Variants in RUNX1 observed in about 807,000 individuals in gnomAD.
The protein encoded by RUNX1 is runt-related transcription factor 1.
Under a neutral mutation model 42.8 loss-of-function variants are expected in RUNX1, and 19 were observed. That is an observed-to-expected ratio of 0.44 (90% CI 0.31 to 0.65). The LOEUF (loss-of-function observed/expected upper bound fraction) is 0.65, where lower values mean the gene tolerates loss of function less well. Ranked by LOEUF, RUNX1 falls within the 30% of genes least tolerant of loss-of-function variation. RUNX1 has a pLI of 0.07. For synonymous variants in RUNX1, 271 were observed against 289.4 expected (o/e 0.94, Z 0.64); for missense variants, 528 against 672.0 (o/e 0.79, Z 2.37).
At chr21:34,872,411 C>T (rs2057752193) in intron 5 of RUNX1, among the ~76,000 whole-genome samples, 1 of 152,232 alleles carries the variant, frequency 6.6e-6, no homozygotes, top group Non-Finnish European at 1.5e-5. Context: ...CTGCACATCC[C>T]TGACCCAGGA....
At chr21:34,808,579 C>T (rs1450100884) in intron 7 of RUNX1, among the ~76,000 whole-genome samples, 2 of 152,178 alleles carry the variant, frequency 1.3e-5, no homozygotes, top group African/African-American at 2.4e-5. Flanking sequence ...GTTTCCTCAC[C>T]TCTAAAAATG....
At chr21:34,957,395 G>A (rs955563650) in intron 2 of RUNX1, among the ~76,000 whole-genome samples, 11 of 152,186 alleles carry the variant, frequency 7.2e-5, no homozygotes, top group African/African-American at 2.2e-4. Flanking sequence ...CTTACCTGGG[G>A]CAAGCCAGGA....
At chr21:34,896,444 A>G (rs1240067042) in intron 2 of RUNX1, among the ~76,000 whole-genome samples, 1 of 152,250 alleles carries the variant, frequency 6.6e-6, no homozygotes, top group East Asian at 1.9e-4. Context: ...GCACTTTGGG[A>G]GGCCAAGGCA....
chr21:34,898,837 A>G lies in RUNX1; in HGVS notation c.59-5874T>C, dbSNP rs115182236. Among the ~76,000 whole-genome samples the G allele has an allele frequency of 2.5e-3, 386 of 152,368 alleles. 2 individuals are homozygous for G. Among genetic ancestry groups the G allele is most frequent in the African/African-American group, 8.8e-3 (368 of 41,586 alleles). Reference sequence around the variant, plus strand: ...AGAAGCCTGAGATTCTTGGTTTCCCATAAGCTCCCAGTGTTGCCACTGCCG... The same window carrying G: ...AGAAGCCTGAGATTCTTGGTTTCCCGTAAGCTCCCAGTGTTGCCACTGCCG... On this transcript the variant is annotated intron_variant, in intron 2 of 8. Coordinates refer to ENST00000675419, the MANE Select transcript of RUNX1 (RefSeq NM_001754.5).
chr21:35,001,644 C>G (rs1201475163), intron 2 of RUNX1, among the ~76,000 whole-genome samples: 1 of 152,022 alleles, frequency 6.6e-6, no homozygotes, highest in African/African-American at 2.4e-5. Context: ...GAAATTCTAG[C>G]CGGAGCAATT....
intron 6 of RUNX1, among the ~76,000 whole-genome samples, chr21:34,842,708 CACACACAT>C (rs2057257557): frequency 1.3e-5 from 2 of 152,026 alleles, no homozygotes; most frequent in Admixed American, 1.3e-4. Context: ...GGCACACATG[CACACACAT>C]ACACACATAC....
chr21:34,859,649 C>A, intron 5 of RUNX1, 71 bp from the exon 6 acceptor site: 2 of 1,211,416 alleles, frequency 1.7e-6, no homozygotes, highest in Non-Finnish European at 2.5e-6. Flanking sequence ...AATAACCAAT[C>A]ATTAATTTAT....
chr21:34,895,076 A>G (rs965341712), intron 2 of RUNX1, among the ~76,000 whole-genome samples: 1 of 152,136 alleles, frequency 6.6e-6, no homozygotes, highest in Non-Finnish European at 1.5e-5. Flanking sequence ...CAGGGTCTAG[A>G]TCAGAAAATA....
At chr21:34,948,545 C>T (rs901777022) in intron 2 of RUNX1, among the ~76,000 whole-genome samples, 2 of 152,060 alleles carry the variant, frequency 1.3e-5, no homozygotes, top group Non-Finnish European at 2.9e-5. Context: ...GGCATTTGCT[C>T]TGGGGCTGTG....
intron 7 of RUNX1, among the ~76,000 whole-genome samples, chr21:34,813,504 G>A (rs537630087): frequency 8.0e-4 from 122 of 152,172 alleles, no homozygotes; most frequent in Admixed American, 1.4e-3. Context: ...CTGGGTGGCT[G>A]CAGTCATGAT....
rs551653832 is a variant in RUNX1, at chr21:34,808,356, G to A, written c.806-8894C>T. 3.9e-4 allele frequency among the ~76,000 whole-genome samples: 59 copies of A among 152,282 alleles called. 1 individual carries two copies. Among genetic ancestry groups the A allele is most frequent in the African/African-American group, 1.4e-3 (59 of 41,542 alleles). ...ATCCTCACTGCCGACCTGCCAGCCT[G>A]GGAGGTGGCAGGCTGCCTGCGGGAA... On this transcript the variant is annotated intron_variant, in intron 7 of 8. Coordinates refer to ENST00000675419, the MANE Select transcript of RUNX1 (RefSeq NM_001754.5).
At chr21:35,043,159 C>T (rs1343789764) in intron 2 of RUNX1, among the ~76,000 whole-genome samples, 2 of 152,156 alleles carry the variant, frequency 1.3e-5, no homozygotes, top group African/African-American at 4.8e-5. Context: ...AAAGTACTCC[C>T]TGATTGTGTT....
Position 34,796,618 on chromosome 21 carries a change from G to A in RUNX1, c.967+2683C>T, listed in dbSNP as rs553817498. ...ATGGGGCTAAATATTTGCCATGACA[G>A]CTCAAGTCTTCGCTCTCCAGCTTGA... is the stretch of plus-strand genomic sequence containing the variant. On this transcript the variant is annotated intron_variant, in intron 8 of 8. Coordinates refer to ENST00000675419, the MANE Select transcript of RUNX1 (RefSeq NM_001754.5). Among the ~76,000 whole-genome samples, 20 of 152,318 alleles carry A rather than the reference G, an allele frequency of 1.3e-4. No homozygotes were observed. The South Asian group carries it at 4.1e-3, about 32-fold the overall frequency.
At chr21:34,796,158 G>T (rs185959473) in intron 8 of RUNX1, among the ~76,000 whole-genome samples, 1 of 152,174 alleles carries the variant, frequency 6.6e-6, no homozygotes, top group African/African-American at 2.4e-5. Context: ...GCTGTTGGGG[G>T]AAAATAGTTC....
chr21:35,009,979 C>T (rs2059113825), intron 2 of RUNX1, among the ~76,000 whole-genome samples: 1 of 152,152 alleles, frequency 6.6e-6, no homozygotes, highest in African/African-American at 2.4e-5. Flanking sequence ...ACAAATCACA[C>T]GCTGGTATAA....
intron 2 of RUNX1, among the ~76,000 whole-genome samples, chr21:34,941,561 C>A (rs143688699): frequency 2.9e-3 from 443 of 152,306 alleles, no homozygotes; most frequent in African/African-American, 0.01. Flanking sequence ...CATAATCTAC[C>A]AATCGGTCTT....
At chr21:34,914,782 T>C (rs2146534143) in intron 2 of RUNX1, among the ~76,000 whole-genome samples, 1 of 152,328 alleles carries the variant, frequency 6.6e-6, no homozygotes, top group African/African-American at 2.4e-5. Flanking sequence ...ACAGCCCCAT[T>C]CTGCAACTTG....
chr21:34,936,277 T>A (rs1048589549), intron 2 of RUNX1, among the ~76,000 whole-genome samples: 1 of 151,554 alleles, frequency 6.6e-6, no homozygotes, highest in African/African-American at 2.4e-5. Context: ...CCCCTCTTTT[T>A]TAAAAAAAAA....
chr21:34,972,222 A>T (rs1160439851), intron 2 of RUNX1, among the ~76,000 whole-genome samples: 4 of 152,140 alleles, frequency 2.6e-5, no homozygotes, highest in Non-Finnish European at 5.9e-5. Context: ...AACATTGACC[A>T]CTGGGGGCCT....
Sources: gnomAD v4.1 joint callset for allele counts (sites outside exome capture counted in the v4.1 genomes callset) on GRCh38, gnomAD v4.1.1 for gene constraint, MANE v1.5 for transcripts, NCBI Gene and HGNC (gene_info 2026-07-23, HGNC 2026-07-21) for gene names.